The following SFMBT2 variants were observed in gnomAD, a reference collection of about 807,000 sequenced individuals.
The protein encoded by SFMBT2 is scm-like with four MBT domains protein 2.
Under a neutral mutation model 110.1 loss-of-function variants are expected in SFMBT2, and 38 were observed. The ratio of observed to expected loss-of-function variants is 0.35; its 90% CI spans 0.27 to 0.45. The LOEUF is 0.45. Among genes scored for constraint, SFMBT2 ranks in the 20% least tolerant of loss-of-function variants. The pLI, the probability that SFMBT2 is intolerant of heterozygous loss-of-function variation, is 1.00. For missense variants in SFMBT2, 1,011 were observed against 1,094.9 expected (o/e 0.92, Z 1.08); for synonymous variants, 425 against 425.4 (o/e 1.00, Z 0.01).
intron 4 of SFMBT2, among the ~76,000 whole-genome samples, chr10:7,363,604 C>T (rs990149567): frequency 1.3e-5 from 2 of 152,168 alleles, no homozygotes; most frequent in Non-Finnish European, 2.9e-5. Context: ...CATCGGCCTC[C>T]CAAAGTGCTG....
intron 7 of SFMBT2, among the ~76,000 whole-genome samples, chr10:7,262,444 C>G (rs1841238158): frequency 6.6e-6 from 1 of 152,076 alleles, no homozygotes; most frequent in Non-Finnish European, 1.5e-5. Flanking sequence ...AGAGATGTAT[C>G]CCCTTTGCAC....
Position 7,315,031 on chromosome 10 carries a change from AAAGAAAG to A in SFMBT2, c.437-29084_437-29078del, listed in dbSNP as rs59216414. On this transcript the variant is annotated intron_variant, in intron 4 of 20. Transcript: ENST00000397167. ...AGAAAGAAAGAAAAGAGAGAGAAAG[AAAGAAAG>A]AGAAAGAAAGAAAGAAAGAAAGAAA... 5.2e-3 allele frequency among the ~76,000 whole-genome samples: 730 copies of A among 139,408 alleles called. 8 individuals are homozygous for A. The highest frequency in any genetic ancestry group is 7.8e-3 in the Non-Finnish European group (504 of 64,472). 91.5% of individuals were successfully genotyped at this position (139,408 alleles called of 152,430 possible). A position where few individuals can be genotyped will look rare whatever the true frequency, so the allele number is the denominator to read the frequency against.
chr10:7,246,736 A>G (rs1261167398), intron 8 of SFMBT2, among the ~76,000 whole-genome samples: 1 of 151,034 alleles, frequency 6.6e-6, no homozygotes, highest in Non-Finnish European at 1.5e-5. Flanking sequence ...AAAAAAAAAA[A>G]AAAAGAATGG....
chr10:7,185,257 G>A lies in SFMBT2; in HGVS notation c.1808+3367C>T, dbSNP rs540623585. ...AGACTGGTTCATGGCTTTGCTTAAC[G>A]CGAAGTTCACCTCGTGCGTTTTCAG... is the stretch of plus-strand genomic sequence containing the variant. On this transcript the variant is annotated intron_variant, in intron 16 of 20. Coordinates refer to ENST00000397167, the MANE Select transcript of SFMBT2 (RefSeq NM_001387889.1). Among the ~76,000 whole-genome samples, 142 of 152,288 alleles carry A rather than the reference G, an allele frequency of 9.3e-4. 1 individual carries two copies. Among genetic ancestry groups the A allele is most frequent in the African/African-American group, 3.2e-3 (131 of 41,562 alleles).
At chr10:7,385,254 C>T (rs910991012) in intron 1 of SFMBT2, among the ~76,000 whole-genome samples, 3 of 152,096 alleles carry the variant, frequency 2.0e-5, no homozygotes, top group Non-Finnish European at 2.9e-5. Flanking sequence ...TAAGGAAGCG[C>T]GGTTATGAGA....
At chr10:7,193,645 T>A (rs1237593298) in intron 15 of SFMBT2, among the ~76,000 whole-genome samples, 1 of 152,208 alleles carries the variant, frequency 6.6e-6, no homozygotes, top group African/African-American at 2.4e-5. Flanking sequence ...AGATTAGATG[T>A]TCCGCTCCCC....
chr10:7,183,172 G>A (rs1005573893), intron 16 of SFMBT2, among the ~76,000 whole-genome samples: 1 of 152,202 alleles, frequency 6.6e-6, no homozygotes, highest in African/African-American at 2.4e-5. Flanking sequence ...CTAAGGAATA[G>A]CAAAGACAAA....
rs1842327704 is a variant in SFMBT2, at chr10:7,293,849, A to G, written c.437-7895T>C. Among the ~76,000 whole-genome samples the G allele has an allele frequency of 6.6e-6, 1 of 152,186 alleles. No homozygotes were observed. The highest frequency in any genetic ancestry group is 1.5e-5 in the Non-Finnish European group (1 of 68,028). ...CTCTGCTCTAAGTGAGGGCAGGGAA[A>G]CAGATGGTTCAGCACATCCCAGCCC... On this transcript the variant is annotated intron_variant, in intron 4 of 20. Transcript: ENST00000397167. The surrounding 1 kb of genome is among the most constrained non-coding windows in gnomAD (Gnocchi z 4.6).
At position 7,410,900 on chromosome 10, in the gene SFMBT2, C is replaced by T. The variant is rs960795963; in HGVS notation, c.-91G>A. 6.6e-6 allele frequency among the ~76,000 whole-genome samples: 1 copy of T among 151,422 alleles called. No individual in the cohort carries two copies. Among genetic ancestry groups the T allele is most frequent in the African/African-American group, 2.4e-5 (1 of 41,286 alleles). On this transcript the variant is annotated 5_prime_UTR_variant, in exon 1 of 21. Coordinates refer to ENST00000397167, the MANE Select transcript of SFMBT2 (RefSeq NM_001387889.1). Reference sequence around the variant, plus strand: ...CCTGCCCTCGGCGTGGACCCAGGCCCCGGTCGCCGCCCGGGAGGGCACCGG... The same window carrying T: ...CCTGCCCTCGGCGTGGACCCAGGCCTCGGTCGCCGCCCGGGAGGGCACCGG...
rs151056229 is a variant in SFMBT2, at chr10:7,198,971, A to C, written c.1559-1284T>G. Among the ~76,000 whole-genome samples the C allele has an allele frequency of 3.3e-5, 5 of 152,200 alleles. No individual in the cohort carries two copies. In the East Asian group the frequency reaches 9.7e-4, roughly 29 times the overall value. The stretch of plus-strand genomic sequence containing the variant: ...CAAAACTCTGTCTCAAAAAAAGAAG[A>C]AAGTTTTTTGTTTTGTTTTGTTTTT... On this transcript the variant is annotated intron_variant, in intron 14 of 20. Transcript: ENST00000397167.
At chr10:7,207,716 G>C in intron 11 of SFMBT2, 2 of 547,890 alleles carry the variant, frequency 3.7e-6, no homozygotes, top group Non-Finnish European at 4.6e-6. Context: ...AATCTGGTGC[G>C]AGCTCCACCG....
intron 11 of SFMBT2, chr10:7,206,498 T>C (rs575004206): frequency 2.0e-6 from 2 of 985,412 alleles, no homozygotes; most frequent in African/African-American, 3.5e-5. Context: ...CTAGGAAACC[T>C]GACAACTTAT....
chr10:7,286,769 C>G (rs973528981), intron 4 of SFMBT2, among the ~76,000 whole-genome samples: 1 of 152,084 alleles, frequency 6.6e-6, no homozygotes. Context: ...GCCAATCCCC[C>G]AACAGATCTC....
In SFMBT2 at chr10:7,367,753, T is replaced by G; in HGVS notation, c.332A>C (p.Tyr111Ser). The G allele has an allele frequency of 1.9e-6, 3 of 1,614,150 alleles. No individual in the cohort carries two copies. Among genetic ancestry groups the G allele is most frequent in the Non-Finnish European group, 2.5e-6 (3 of 1,180,028 alleles). ...GQLLLLRYCG[Y>S]GEDRRADFWC... ...GAAGTCGGCCCTGCGGTCCTCCCCG[T>G]AACCGCAGTAGCGCAGAAGCAGCAG... Residue 111 changes from tyrosine (Y) to serine (S), a missense_variant, in exon 4 of 21, where the codon TAC becomes TCC. Tyr to Ser is a moderately radical substitution (Grantham distance 144, BLOSUM62 -2). This residue lies in a region of SFMBT2 where 979 missense variants were observed against 1,016.1 expected (regional missense o/e 0.96). Transcript: ENST00000397167. This position sits in a 1 kb window ranked among gnomAD's most constrained non-coding sequence, Gnocchi z 6.2.
At chr10:7,338,754 T>G (rs1414019401) in intron 4 of SFMBT2, among the ~76,000 whole-genome samples, 1 of 152,184 alleles carries the variant, frequency 6.6e-6, no homozygotes, top group East Asian at 1.9e-4. Flanking sequence ...GTTTTCAAGA[T>G]GCTCACATCT....
intron 4 of SFMBT2, chr10:7,347,998 T>C (rs1844173189): frequency 4.0e-6 from 1 of 251,806 alleles, no homozygotes; most frequent in South Asian, 1.7e-4. Context: ...GATGTAGAGA[T>C]GAAAAATGTA....
At chr10:7,260,975 T>C (rs1366809659) in intron 7 of SFMBT2, among the ~76,000 whole-genome samples, 1 of 151,190 alleles carries the variant, frequency 6.6e-6, no homozygotes, top group African/African-American at 2.4e-5. Flanking sequence ...AAAAAAAGTG[T>C]GGCCTTGGGT....
chr10:7,196,063 C>A (rs1162219438), intron 15 of SFMBT2, among the ~76,000 whole-genome samples: 1 of 152,128 alleles, frequency 6.6e-6, no homozygotes, highest in Admixed American at 6.5e-5. Flanking sequence ...CCTTCAATGG[C>A]CTCTTTCTCC....
rs181734610 is a variant in SFMBT2 at position 7,186,927 on chromosome 10, T to G, written c.1808+1697A>C. Among the ~76,000 whole-genome samples, 76 of 152,338 alleles carry G rather than the reference T, an allele frequency of 5.0e-4. No individual in the cohort carries two copies. The East Asian group carries it at 0.013, about 27-fold the overall frequency. ...CAGACAGACATTTTCTCATTAGAAG[T>G]TGCTGTGTAAGAGTTTGCCATGGAA... On this transcript the variant is annotated intron_variant, in intron 16 of 20. Coordinates refer to ENST00000397167, the MANE Select transcript of SFMBT2 (RefSeq NM_001387889.1).
Sources: gnomAD v4.1 joint callset for allele counts (sites outside exome capture counted in the v4.1 genomes callset) on GRCh38, gnomAD v4.1.1 for gene constraint, gnomAD v4.1.1 regional missense constraint, Gnocchi (gnomAD v3.1) non-coding constraint, MANE v1.5 for transcripts, NCBI Gene and HGNC (gene_info 2026-07-23, HGNC 2026-07-21) for gene names.